The following ENG variants were observed in gnomAD, a reference collection of about 807,000 sequenced individuals.
ENG encodes the protein endoglin.
In ENG, 17 loss-of-function variants were observed where a neutral mutation model predicts 71.0. The observed-to-expected ratio is 0.24, with a 90% CI of 0.16 to 0.36. ENG has a LOEUF of 0.36. Among genes scored for constraint, ENG ranks in the 10% least tolerant of loss-of-function variants. The pLI, the probability that ENG is intolerant of heterozygous loss-of-function variation, is 1.00. For missense variants in ENG, 749 were observed against 868.3 expected (o/e 0.86, Z 1.73); for synonymous variants, 360 against 366.9 (o/e 0.98, Z 0.21).
chr9:127,819,583 C>T (rs1830423182), intron 10 of ENG, 39 bp downstream of exon 10: 2 of 1,611,944 alleles, frequency 1.2e-6, no homozygotes, highest in South Asian at 1.1e-5. Flanking sequence ...AGCAGCAGCC[C>T]CTGGGCCAGG....
chr9:127,816,548 T>C (rs566742457), intron 13 of ENG: 2 of 252,364 alleles, frequency 7.9e-6, no homozygotes, highest in African/African-American at 2.2e-5. Context: ...AAGCAGTCTT[T>C]CCTTGAGCCT....
At position 127,824,797 on chromosome 9, in the gene ENG, C is replaced by T. The variant is rs760838140; in HGVS notation, c.991+3G>A. On this transcript the variant is annotated splice_donor_region_variant and intron_variant, in intron 7 of 14. Coordinates refer to ENST00000373203, the MANE Select transcript of ENG (RefSeq NM_001114753.3). Reference sequence around the variant, plus strand: ...AAGGGAGGGGCAGGGGAAGGGTGCTCACCGCAGCTGGAGGCATGAAGTGAG... The same window carrying T: ...AAGGGAGGGGCAGGGGAAGGGTGCTTACCGCAGCTGGAGGCATGAAGTGAG... 2 of 1,551,600 alleles carry T rather than the reference C, an allele frequency of 1.3e-6. No homozygotes were observed. The highest frequency in any genetic ancestry group is 1.7e-6 in the Non-Finnish European group (2 of 1,148,840).
chr9:127,851,694 CATGGTGA>C (rs1205546305), intron 1 of ENG, among the ~76,000 whole-genome samples: 4 of 151,944 alleles, frequency 2.6e-5, no homozygotes, highest in Non-Finnish European at 5.9e-5. Context: ...GCCTGGCCAA[CATGGTGA>C]AACCCCGTCT....
intron 1 of ENG, 26 bp downstream of exon 1, chr9:127,854,263 C>T (rs759724176): frequency 3.8e-6 from 6 of 1,566,918 alleles, no homozygotes; most frequent in African/African-American, 1.4e-5. Flanking sequence ...GCCGAGTCTC[C>T]CCACCCTGGG....
intron 1 of ENG, among the ~76,000 whole-genome samples, chr9:127,847,463 C>A (rs779250673): frequency 1.3e-5 from 2 of 152,022 alleles, no homozygotes; most frequent in Non-Finnish European, 2.9e-5. Flanking sequence ...TGCCACCCCC[C>A]CTTTTCTTTT....
Position 127,816,018 on chromosome 9 carries a change from G to C in ENG, c.1777C>G (p.Leu593Val). ...TSKGLVLPAVLGITFGAFLIG... is the reference protein window; with the variant it reads ...TSKGLVLPAVVGITFGAFLIG... The stretch of plus-strand genomic sequence containing the variant: ...AGGAAGGCACCAAAGGTGATGCCCA[G>C]CACGGCGGGCAGGACGAGGCCTTTG... The change falls in exon 14 of 15, where the codon CTG (leucine) becomes GTG (valine). Residue 593 changes from leucine (L) to valine (V), a missense_variant. Coordinates refer to ENST00000373203, the MANE Select transcript of ENG (RefSeq NM_001114753.3). The C allele has an allele frequency of 6.2e-7, 1 of 1,610,740 alleles. No individual in the cohort carries two copies. Among genetic ancestry groups the C allele is most frequent in the Middle Eastern group, 1.7e-4 (1 of 5,862 alleles).
intron 1 of ENG, 100 bp downstream of exon 1, chr9:127,854,188 TG>T: frequency 7.9e-7 from 1 of 1,271,268 alleles, no homozygotes; most frequent in Non-Finnish European, 1.1e-6. Flanking sequence ...ATGGCTCTGC[TG>T]GGCGTGAGCT....
intron 1 of ENG, among the ~76,000 whole-genome samples, chr9:127,847,904 C>T (rs1417881153): frequency 1.3e-5 from 2 of 152,164 alleles, no homozygotes; most frequent in African/African-American, 4.8e-5. Context: ...CCTGGTTCTA[C>T]GATGCCTGCA....
rs748022512 is a variant in ENG, at chr9:127,843,240, C to T, written c.73G>A (p.Ala25Thr). The T allele has an allele frequency of 6.2e-7, 1 of 1,614,210 alleles. No homozygotes were observed. Among genetic ancestry groups the T allele is most frequent in the Non-Finnish European group, 8.5e-7 (1 of 1,180,038 alleles). The change falls in exon 2 of 15, where the codon GCA becomes ACA. Residue 25 changes from alanine (A) to threonine (T), a missense_variant. Ala to Thr is a moderately conservative substitution (Grantham distance 58). Transcript: ENST00000373203. ...ASCSLSPTSLAETVHCDLQPV... is the reference protein window; with the variant it reads ...ASCSLSPTSLTETVHCDLQPV... ...TGAAGGTCACAATGGACTGTTTCTGCAAGACCTGTTGGAGAAACATCCGGA... is the reference window on the plus strand; with the variant it reads ...TGAAGGTCACAATGGACTGTTTCTGTAAGACCTGTTGGAGAAACATCCGGA...
chr9:127,833,233 A>G (rs1453987462), intron 2 of ENG, among the ~76,000 whole-genome samples: 1 of 152,150 alleles, frequency 6.6e-6, no homozygotes, highest in African/African-American at 2.4e-5. Context: ...TGAGACTAAG[A>G]CAGGTAGACC....
chr9:127,819,308 C>T (rs924083793), intron 10 of ENG: 2 of 407,632 alleles, frequency 4.9e-6, no homozygotes, highest in Non-Finnish European at 9.2e-6. Context: ...AGCTTCCACA[C>T]AGCACCTCAT....
In ENG at chr9:127,818,131, AC is replaced by A; in HGVS notation, c.1674del (p.Ser559LeufsTer14). The A allele has an allele frequency of 6.2e-7, 1 of 1,614,118 alleles. No individual in the cohort carries two copies. Among genetic ancestry groups the A allele is most frequent in the Non-Finnish European group, 8.5e-7 (1 of 1,180,034 alleles). On this transcript the variant is annotated frameshift_variant, in exon 12 of 15. Coordinates refer to ENST00000373203, the MANE Select transcript of ENG (RefSeq NM_001114753.3). LOFTEE classifies it high-confidence loss of function. ...CAGGCCCCACTCACCTGGTCTTGAG[AC>A]CCGGTCTTGGGACGCAGGGCTACCG... ...SCTVALRPKT[G>X]SQDQEVHRTV...
intron 13 of ENG, 46 bp downstream of exon 13, chr9:127,817,103 G>A: frequency 6.2e-7 from 1 of 1,609,778 alleles, no homozygotes; most frequent in Non-Finnish European, 8.5e-7. Flanking sequence ...GCCCTACTGT[G>A]ACCTCAGCCA....
At chr9:127,834,139 C>G (rs1310271160) in intron 2 of ENG, among the ~76,000 whole-genome samples, 1 of 152,020 alleles carries the variant, frequency 6.6e-6, no homozygotes, top group East Asian at 1.9e-4. Context: ...ATGGCATGAT[C>G]TCGGCTCACT....
At chr9:127,824,776 G>T in intron 7 of ENG, 24 bp downstream of exon 7, 10 of 1,524,542 alleles carry the variant, frequency 6.6e-6, no homozygotes, top group Non-Finnish European at 8.8e-6. Flanking sequence ...GAAGGGAAGG[G>T]AGGGGCAGGG....
chr9:127,818,574 T>C, intron 11 of ENG, 142 bp downstream of exon 11: 1 of 1,362,294 alleles, frequency 7.3e-7, no homozygotes, highest in South Asian at 1.2e-5. Context: ...ATGCCTTCTC[T>C]GTCTCTCCCT....
chr9:127,822,879 C>T (rs1218145512), intron 8 of ENG, among the ~76,000 whole-genome samples: 7 of 152,152 alleles, frequency 4.6e-5, no homozygotes, highest in Non-Finnish European at 1.0e-4. Flanking sequence ...CTCGCTCTGT[C>T]GCCCAGGCTG....
At chr9:127,825,624 G>A (rs1830592109) in intron 5 of ENG, 71 bp downstream of exon 5, 1 of 1,295,550 alleles carries the variant, frequency 7.7e-7, no homozygotes, top group Admixed American at 3.0e-5. Flanking sequence ...GACCGGAGAG[G>A]GGGCGGGGGG....
intron 8 of ENG, among the ~76,000 whole-genome samples, chr9:127,820,651 ACC>A (rs1830446711): frequency 6.8e-6 from 1 of 146,422 alleles, no homozygotes; most frequent in Non-Finnish European, 1.5e-5. Flanking sequence ...ACATGATGAA[ACC>A]CCGTCTCTAC....
Sources: gnomAD v4.1 joint callset for allele counts (sites outside exome capture counted in the v4.1 genomes callset) on GRCh38, gnomAD v4.1.1 for gene constraint, MANE v1.5 for transcripts, NCBI Gene and HGNC (gene_info 2026-07-23, HGNC 2026-07-21) for gene names.